Variants in MDH1B observed in about 807,000 individuals in gnomAD.
MDH1B encodes the protein malate dehydrogenase 1B, also known as putative malate dehydrogenase 1B.
In MDH1B, 60 loss-of-function variants were observed where a neutral mutation model predicts 61.4. That is an observed-to-expected ratio of 0.98 (90% CI 0.79 to 1.21). The LOEUF is 1.21. MDH1B is among the 50% of genes most tolerant of loss of function. MDH1B has a pLI of 0.00. For missense variants in MDH1B, 587 were observed against 632.1 expected (o/e 0.93, Z 0.76); for synonymous variants, 236 against 218.7 (o/e 1.08, Z -0.70).
intron 1 of MDH1B, among the ~76,000 whole-genome samples, chr2:206,765,030 A>T (rs1442332699): frequency 1.3e-5 from 2 of 152,212 alleles, no homozygotes; most frequent in African/African-American, 4.8e-5. Flanking sequence ...GTGCCCCATG[A>T]GACTGAAAGC....
Position 206,739,646 on chromosome 2 carries a change from T to C in MDH1B, c.1475A>G (p.Asn492Ser). The C allele has an allele frequency of 6.2e-7, 1 of 1,614,066 alleles. No individual in the cohort carries two copies. The highest frequency in any genetic ancestry group is 8.5e-7 in the Non-Finnish European group (1 of 1,179,944). ...LAMSDAAEFPNQIPQTTFEKP... is the reference protein window; with the variant it reads ...LAMSDAAEFPSQIPQTTFEKP... ...TTCAAAGGTGGTTTGAGGAATCTGATTTGGAAACTCTGCTGCTGCAAATAG... is the reference window on the plus strand; with the variant it reads ...TTCAAAGGTGGTTTGAGGAATCTGACTTGGAAACTCTGCTGCTGCAAATAG... Residue 492 changes from asparagine (N) to serine (S), a missense_variant, in exon 11 of 12, where the codon AAT becomes AGT. Coordinates refer to ENST00000374412, the MANE Select transcript of MDH1B (RefSeq NM_001039845.3).
chr2:206,749,029 A>G lies in MDH1B; in HGVS notation c.1207T>C (p.Leu403=). ...PPGEIVSLGI[L]SEGQFGIPKG... Reference sequence around the variant, plus strand: ...AAAAACCCAGATTTACCTTCACTCAATATTCCTAAAGATACAATCTCCCCA... The same window carrying G: ...AAAAACCCAGATTTACCTTCACTCAGTATTCCTAAAGATACAATCTCCCCA... Residue 403 remains leucine (L), a synonymous_variant, in exon 7 of 12, where the codon TTG becomes CTG. Transcript: ENST00000374412. 6.2e-7 allele frequency: 1 copy of G among 1,613,256 alleles called. No homozygotes were observed. Among genetic ancestry groups the G allele is most frequent in the South Asian group, 1.1e-5 (1 of 90,760 alleles).
chr2:206,748,965 C>A (rs553037460), intron 7 of MDH1B, 55 bp downstream of exon 7: 3 of 1,511,806 alleles, frequency 2.0e-6, no homozygotes, highest in East Asian at 2.3e-5. Flanking sequence ...ATTAGGAGCA[C>A]GAGTTATAGA....
chr2:206,755,032 C>T lies in MDH1B; in HGVS notation c.887G>A (p.Arg296Lys). 1 of 1,613,234 alleles carries T rather than the reference C, an allele frequency of 6.2e-7. No homozygotes were observed. The highest frequency in any genetic ancestry group is 1.1e-5 in the South Asian group (1 of 91,040). ...ACATGAAGGAGCTGTCTTCAGTTTT[C>T]TGGCCAGTATGGCTTTCGCTTCACC... is the stretch of plus-strand genomic sequence containing the variant. ...VEGEAKAILA[R>K]KLKTAPSYIK... is the part of the protein sequence containing the mutation. The change falls in exon 5 of 12, where the codon AGA (arginine) becomes AAA (lysine). Residue 296 changes from arginine (R) to lysine (K), a missense_variant. Coordinates refer to ENST00000374412, the MANE Select transcript of MDH1B (RefSeq NM_001039845.3).
chr2:206,738,245 CA>C lies in MDH1B; in HGVS notation c.*237del. On this transcript the variant is annotated 3_prime_UTR_variant, in exon 12 of 12. Transcript: ENST00000374412. ...TAATATAAAAAATAGCATTTGACAC[CA>C]AAATAGTTCTAAGAAAATGCAATTA... The C allele has an allele frequency of 2.8e-6, 1 of 359,242 alleles. No homozygotes were observed. The highest frequency in any genetic ancestry group is 5.0e-6 in the Non-Finnish European group (1 of 199,342). 22.3% of individuals were successfully genotyped at this position (359,242 alleles called of 1,614,324 possible).
intron 5 of MDH1B, 51 bp downstream of exon 5, chr2:206,754,958 A>G: frequency 6.4e-7 from 1 of 1,571,658 alleles, no homozygotes; most frequent in Non-Finnish European, 8.6e-7. Context: ...GCTGCTTTGA[A>G]ATCATGTTGT....
chr2:206,751,680 A>T (rs929213754), intron 5 of MDH1B, among the ~76,000 whole-genome samples: 3 of 152,184 alleles, frequency 2.0e-5, no homozygotes, highest in Non-Finnish European at 4.4e-5. Flanking sequence ...CCAAATCCTT[A>T]CAACATTCTA....
intron 9 of MDH1B, among the ~76,000 whole-genome samples, chr2:206,742,114 G>C (rs994246855): frequency 2.0e-5 from 3 of 152,172 alleles, no homozygotes; most frequent in Admixed American, 2.0e-4. Context: ...GATGAACTCA[G>C]AGATTCTGTC....
At chr2:206,742,141 G>A (rs955158323) in intron 9 of MDH1B, among the ~76,000 whole-genome samples, 1 of 152,200 alleles carries the variant, frequency 6.6e-6, no homozygotes, top group Non-Finnish European at 1.5e-5. Flanking sequence ...CAGATACTGA[G>A]CCTCAAATCT....
At chr2:206,746,872 C>T (rs571040340) in intron 7 of MDH1B, among the ~76,000 whole-genome samples, 1 of 152,126 alleles carries the variant, frequency 6.6e-6, no homozygotes, top group Admixed American at 6.5e-5. Flanking sequence ...TATTCCTTTG[C>T]AGCCCCCAGT....
chr2:206,762,933 T>C (rs1177771370), intron 1 of MDH1B, among the ~76,000 whole-genome samples: 2 of 152,182 alleles, frequency 1.3e-5, no homozygotes, highest in African/African-American at 2.4e-5. Flanking sequence ...TATCAACCCA[T>C]TAAAAGGTAT....
intron 7 of MDH1B, among the ~76,000 whole-genome samples, chr2:206,747,302 CA>C (rs913657470): frequency 6.6e-6 from 1 of 152,178 alleles, no homozygotes; most frequent in Non-Finnish European, 1.5e-5. Context: ...GCCTTATGGG[CA>C]GACAAGGTCT....
In MDH1B at chr2:206,745,535, A is replaced by T; in HGVS notation, c.1408+87T>A. ...AAATGACAAAATATAAATGAGAGTT[A>T]TTCATATTAACAGTGATTCAGTTAT... On this transcript the variant is annotated intron_variant, in intron 9 of 11. Transcript: ENST00000374412. The T allele has an allele frequency of 3.1e-6, 3 of 973,162 alleles. No individual in the cohort carries two copies. The South Asian group carries it at 4.4e-5, about 14-fold the overall frequency. The allele number at this position is 973,162 out of a possible 1,614,324, so 60.3% of individuals were successfully genotyped here.
At chr2:206,742,509 G>A (rs1687868087) in intron 9 of MDH1B, among the ~76,000 whole-genome samples, 1 of 152,074 alleles carries the variant, frequency 6.6e-6, no homozygotes, top group African/African-American at 2.4e-5. Flanking sequence ...TAAACCCTGT[G>A]CTGCCTGAGG....
Position 206,757,295 on chromosome 2 carries a change from T to C in MDH1B, c.212A>G (p.Asp71Gly), listed in dbSNP as rs979039195. ...CAAAAGCAAACCCTTTCCTCCACGA[T>C]CCAACAGCTCTCTCCAGATGATAGG... Reference protein sequence around the residue: ...NSPIIWRELLDRGGKGLLLGG... With the variant: ...NSPIIWRELLGRGGKGLLLGG... Residue 71 changes from aspartate (D) to glycine (G), a missense_variant, in exon 3 of 12, where the codon GAT (aspartate) becomes GGT (glycine). Coordinates refer to ENST00000374412, the MANE Select transcript of MDH1B (RefSeq NM_001039845.3). 5 of 1,613,984 alleles carry C rather than the reference T, an allele frequency of 3.1e-6. No homozygotes were observed. Among genetic ancestry groups the C allele is most frequent in the Non-Finnish European group, 3.4e-6 (4 of 1,179,884 alleles).
chr2:206,753,969 A>C (rs937977991), intron 5 of MDH1B, among the ~76,000 whole-genome samples: 4 of 152,030 alleles, frequency 2.6e-5, no homozygotes, highest in African/African-American at 4.8e-5. Flanking sequence ...CACTGTCTAC[A>C]CATATAATTA....
In MDH1B at chr2:206,738,633, A is replaced by G. The variant is rs111408990; in HGVS notation, c.1529-122T>C. On this transcript the variant is annotated intron_variant, in intron 11 of 11. Coordinates refer to ENST00000374412, the MANE Select transcript of MDH1B (RefSeq NM_001039845.3). ...CATGATTCAATAGCTGAGAAAGTGC[A>G]TGTGTGAGAGTGATTCTATGGGGAA... The G allele has an allele frequency of 5.2e-3, 3,250 of 620,394 alleles. 78 individuals carry two copies. Among genetic ancestry groups the G allele is most frequent in the African/African-American group, 0.051 (2,702 of 53,154 alleles). 38.4% of individuals were successfully genotyped at this position (620,394 alleles called of 1,614,324 possible). A position where few individuals can be genotyped will look rare whatever the true frequency, so the allele number is the denominator to read the frequency against.
chr2:206,754,281 G>C (rs1393638723), intron 5 of MDH1B, among the ~76,000 whole-genome samples: 1 of 152,010 alleles, frequency 6.6e-6, no homozygotes, highest in African/African-American at 2.4e-5. Flanking sequence ...CTTCTCAATG[G>C]ACACTGTTGC....
chr2:206,746,395 A>T lies in MDH1B; in HGVS notation c.1248T>A (p.Phe416Leu). 6.2e-7 allele frequency: 1 copy of T among 1,613,882 alleles called. No individual in the cohort carries two copies. The highest frequency in any genetic ancestry group is 8.5e-7 in the Non-Finnish European group (1 of 1,179,938). ...CATTCTCAAATTTCACAGGCATAGA[A>T]AAGACGATCCCTTTCGGAATACCAA... ...GQFGIPKGIV[F>L]SMPVKFENGT... The change falls in exon 8 of 12, where the codon TTT becomes TTA. Residue 416 changes from phenylalanine (F) to leucine (L), a missense_variant. By Grantham distance (22) the Phe-to-Leu change is conservative. Coordinates refer to ENST00000374412, the MANE Select transcript of MDH1B (RefSeq NM_001039845.3).
Sources: gnomAD v4.1 joint callset for allele counts (sites outside exome capture counted in the v4.1 genomes callset) on GRCh38, gnomAD v4.1.1 for gene constraint, MANE v1.5 for transcripts, NCBI Gene and HGNC (gene_info 2026-07-23, HGNC 2026-07-21) for gene names.